The following DPP10 variants were observed in gnomAD, a reference collection of about 807,000 sequenced individuals.
DPP10 encodes the protein dipeptidyl peptidase like 10, also known as inactive dipeptidyl peptidase 10.
Under a neutral mutation model 120.9 loss-of-function variants are expected in DPP10, and 33 were observed. The ratio of observed to expected loss-of-function variants is 0.27; its 90% confidence interval spans 0.21 to 0.37. The LOEUF is 0.37. Ranked by LOEUF, DPP10 falls within the 10% of genes least tolerant of loss-of-function variation. The pLI is 1.00. For synonymous variants in DPP10, 337 were observed against 326.1 expected (o/e 1.03, Z -0.36); for missense variants, 816 against 942.8 (o/e 0.87, Z 1.76).
At chr2:114,843,286 C>G (rs1181493015) in intron 1 of DPP10, among the ~76,000 whole-genome samples, 1 of 152,066 alleles carries the variant, frequency 6.6e-6, no homozygotes, top group Non-Finnish European at 1.5e-5. Flanking sequence ...CTAAACAAAT[C>G]CCCCTATTAC....
chr2:114,994,850 C>T (rs1700977291), intron 1 of DPP10, among the ~76,000 whole-genome samples: 1 of 152,156 alleles, frequency 6.6e-6, no homozygotes, highest in Non-Finnish European at 1.5e-5. Context: ...GATGAAATTA[C>T]CTCTATTTTC....
chr2:114,661,165 TC>T (rs1418406488), intron 1 of DPP10, among the ~76,000 whole-genome samples: 1 of 152,184 alleles, frequency 6.6e-6, no homozygotes, highest in Non-Finnish European at 1.5e-5. Context: ...AAAAAATCTT[TC>T]AGTCAGTTGA....
intron 5 of DPP10, among the ~76,000 whole-genome samples, chr2:115,547,459 A>G (rs2079580361): frequency 6.6e-6 from 1 of 152,196 alleles, no homozygotes; most frequent in Admixed American, 6.5e-5. Flanking sequence ...TCATAGCTCC[A>G]TATCAGATAC....
chr2:115,465,089 G>C (rs1356467963), intron 3 of DPP10, among the ~76,000 whole-genome samples: 1 of 152,022 alleles, frequency 6.6e-6, no homozygotes, highest in African/African-American at 2.4e-5. Context: ...ACAATATAAA[G>C]AGGAAATTAA....
intron 1 of DPP10, among the ~76,000 whole-genome samples, chr2:115,257,469 G>T (rs1459779007): frequency 1.3e-5 from 2 of 152,130 alleles, no homozygotes; most frequent in African/African-American, 4.8e-5. Flanking sequence ...ATGTCACATG[G>T]TGAAAACAGG....
intron 1 of DPP10, among the ~76,000 whole-genome samples, chr2:114,726,280 G>GCTAAACT (rs547162083): frequency 1.3e-3 from 191 of 151,286 alleles, no homozygotes; most frequent in African/African-American, 4.5e-3. Context: ...GTTGGGAAGA[G>GCTAAACT]CTAAACTAGC....
chr2:115,540,323 C>A (rs1345530170), intron 5 of DPP10, among the ~76,000 whole-genome samples: 1 of 151,756 alleles, frequency 6.6e-6, no homozygotes, highest in Non-Finnish European at 1.5e-5. Flanking sequence ...CTTCCCTTTT[C>A]CTCTTGGGAT....
At chr2:114,527,778 A>G (rs1458929019) in intron 1 of DPP10, among the ~76,000 whole-genome samples, 1 of 152,204 alleles carries the variant, frequency 6.6e-6, no homozygotes, top group Non-Finnish European at 1.5e-5. Flanking sequence ...CCTAGGTTAT[A>G]TGGTACAGCC....
chr2:114,466,845 A>G, intron 1 of DPP10, among the ~76,000 whole-genome samples: 1 of 152,110 alleles, frequency 6.6e-6, no homozygotes, highest in East Asian at 1.9e-4. Flanking sequence ...AGAGTTCAAG[A>G]CCAACATGGC....
intron 1 of DPP10, among the ~76,000 whole-genome samples, chr2:115,140,907 G>T (rs748636155): frequency 7.2e-6 from 1 of 138,434 alleles, no homozygotes; most frequent in South Asian, 2.3e-4. Flanking sequence ...CAGATCAAAA[G>T]ATGTGACATG....
At chr2:115,029,829 A>G (rs1703717952) in intron 1 of DPP10, among the ~76,000 whole-genome samples, 1 of 152,126 alleles carries the variant, frequency 6.6e-6, no homozygotes, top group Admixed American at 6.6e-5. Context: ...AGAAGTGCTT[A>G]GTTTCAGTCT....
intron 5 of DPP10, among the ~76,000 whole-genome samples, chr2:115,624,943 C>A (rs1023543916): frequency 6.6e-6 from 1 of 151,996 alleles, no homozygotes. Context: ...CTGGTAAATC[C>A]ATACTTGAAC....
At chr2:115,442,325 A>G (rs2072146133) in intron 3 of DPP10, among the ~76,000 whole-genome samples, 1 of 150,836 alleles carries the variant, frequency 6.6e-6, no homozygotes, top group East Asian at 2.0e-4. Context: ...ACCCCTTGTC[A>G]CCACGGCTCT....
chr2:115,590,308 C>A (rs541922186), intron 5 of DPP10, among the ~76,000 whole-genome samples: 1 of 151,960 alleles, frequency 6.6e-6, no homozygotes, highest in African/African-American at 2.4e-5. Context: ...CTAATGCTAT[C>A]CCTCCCCCTT....
chr2:115,248,598 G>A (rs2058632924), intron 1 of DPP10, among the ~76,000 whole-genome samples: 1 of 152,070 alleles, frequency 6.6e-6, no homozygotes, highest in South Asian at 2.1e-4. Context: ...GATGAAGTAG[G>A]TAAAGTTCAA....
intron 3 of DPP10, among the ~76,000 whole-genome samples, chr2:115,452,691 T>C (rs1255201594): frequency 1.3e-5 from 2 of 151,932 alleles, no homozygotes; most frequent in African/African-American, 4.8e-5. Flanking sequence ...TTACATGTCA[T>C]ATGGGAGTGG....
intron 1 of DPP10, among the ~76,000 whole-genome samples, chr2:114,892,442 T>C (rs903466803): frequency 3.3e-5 from 5 of 152,198 alleles, no homozygotes; most frequent in African/African-American, 1.2e-4. Context: ...GTTCTAATGA[T>C]GAAATCCATG....
chr2:114,697,002 C>G (rs908937468), intron 1 of DPP10, among the ~76,000 whole-genome samples: 1 of 152,042 alleles, frequency 6.6e-6, no homozygotes, highest in Non-Finnish European at 1.5e-5. Flanking sequence ...ATCCAGATGT[C>G]TGTCATATTA....
chr2:115,014,483 T>C (rs1408301454), intron 1 of DPP10, among the ~76,000 whole-genome samples: 1 of 151,316 alleles, frequency 6.6e-6, no homozygotes, highest in African/African-American at 2.4e-5. Flanking sequence ...AGACAAGAAA[T>C]CACTAAGATC....
Sources: allele counts gnomAD v4.1 joint callset (sites outside exome capture counted in the v4.1 genomes callset), GRCh38; gene constraint gnomAD v4.1.1; transcripts MANE v1.5; gene names NCBI Gene and HGNC (gene_info 2026-07-23, HGNC 2026-07-21).